Variants in ZNF239 observed in about 807,000 individuals in gnomAD.
ZNF239 encodes zinc finger protein (C2H2) homologous to mouse MOK-2.
Under a neutral mutation model 27.5 loss-of-function variants are expected in ZNF239, and 16 were observed. That is an observed-to-expected ratio of 0.58 (90% confidence interval 0.39 to 0.88). The LOEUF (loss-of-function observed/expected upper bound fraction) is 0.88, where lower values mean the gene tolerates loss of function less well. ZNF239 is among the 40% of genes least tolerant of loss of function. The pLI, the probability that ZNF239 is intolerant of heterozygous loss-of-function variation, is 0.00. For missense variants in ZNF239, 527 were observed against 551.9 expected (o/e 0.95, Z 0.45); for synonymous variants, 199 against 192.6 (o/e 1.03, Z -0.27).
Position 43,557,590 on chromosome 10 carries a change from C to A in ZNF239, c.490G>T (p.Val164Leu), listed in dbSNP as rs767791048. 3 of 1,614,172 alleles carry A rather than the reference C, an allele frequency of 1.9e-6. No homozygotes were observed. Among genetic ancestry groups the A allele is most frequent in the Non-Finnish European group, 2.5e-6 (3 of 1,180,038 alleles). The change falls in exon 4 of 4, where the codon GTG (valine) becomes TTG (leucine). Residue 164 changes from valine to leucine, a missense_variant. Transcript: ENST00000374446. ...GCTCTCTGCTGACTACAACTGACCA[C>A]CTGTGATTTCCATCCATGAATGTCT... ...CKDIHGWKSQ[V>L]VSCSQQRAHT...
At chr10:43,566,666 T>A (rs1192695172) in intron 3 of ZNF239, among the ~76,000 whole-genome samples, 1 of 152,234 alleles carries the variant, frequency 6.6e-6, no homozygotes, top group African/African-American at 2.4e-5. Context: ...TAGGTATACA[T>A]TCATTTCCCC....
At chr10:43,572,225 C>T (rs1445112921) in intron 2 of ZNF239, among the ~76,000 whole-genome samples, 3 of 152,172 alleles carry the variant, frequency 2.0e-5, no homozygotes, top group Non-Finnish European at 2.9e-5. Context: ...CCAGTTGCAG[C>T]GGCAGTGAAT....
chr10:43,560,870 A>G (rs1245141576), intron 3 of ZNF239, among the ~76,000 whole-genome samples: 3 of 152,124 alleles, frequency 2.0e-5, no homozygotes, highest in African/African-American at 7.2e-5. Flanking sequence ...TACATAATTA[A>G]AATCCCAGAA....
At chr10:43,559,305 T>C (rs777096843) in intron 3 of ZNF239, among the ~76,000 whole-genome samples, 109 of 152,266 alleles carry the variant, frequency 7.2e-4, no homozygotes, top group Non-Finnish European at 1.1e-3. Flanking sequence ...AGCAAGACTT[T>C]AGGTAGCGAG....
intron 2 of ZNF239, among the ~76,000 whole-genome samples, chr10:43,569,892 T>G (rs951853144): frequency 1.9e-4 from 29 of 152,216 alleles, no homozygotes; most frequent in Non-Finnish European, 1.5e-5. Flanking sequence ...TCTGGTTCCC[T>G]TCAGGGCTCT....
Position 43,556,869 on chromosome 10 carries a change from T to C in ZNF239, c.1211A>G (p.His404Arg). The C allele has an allele frequency of 6.2e-7, 1 of 1,613,920 alleles. No homozygotes were observed. ...AAATCCCTTCCCACACTTGCCACAG[T>C]GATAGGGCTTCTCTCCAGTGTGGAC... ...LRVHTGEKPY[H>R]CGKCGKGFSQ... The change falls in exon 4 of 4, where the codon CAC (histidine) becomes CGC (arginine). Residue 404 changes from histidine to arginine, a missense_variant. His to Arg is a conservative substitution (Grantham distance 29). Coordinates refer to ENST00000374446, the MANE Select transcript of ZNF239 (RefSeq NM_001099282.2).
chr10:43,564,765 G>A (rs1837515172), intron 3 of ZNF239, among the ~76,000 whole-genome samples: 1 of 152,142 alleles, frequency 6.6e-6, no homozygotes, highest in African/African-American at 2.4e-5. Context: ...CTGGGCTCAA[G>A]TGATCCTCCT....
chr10:43,567,591 C>T (rs1053305279), intron 3 of ZNF239, among the ~76,000 whole-genome samples: 1 of 152,104 alleles, frequency 6.6e-6, no homozygotes, highest in African/African-American at 2.4e-5. Context: ...TGCCATGATG[C>T]CTGGTGCTCT....
rs962446297 is a variant in ZNF239, at chr10:43,573,493, A to G, written c.-216+144T>C. 7 of 395,286 alleles carry G rather than the reference A, an allele frequency of 1.8e-5. No individual in the cohort carries two copies. The East Asian group carries it at 1.1e-3, about 65-fold the overall frequency. The allele number at this position is 395,286 out of a possible 1,614,324, so 24.5% of individuals were successfully genotyped here. Reference sequence around the variant, plus strand: ...GCAGACCCTGGTGACATCATCTGCTAGCTACATGTCCTTAGTATCTTAATG... The same window carrying G: ...GCAGACCCTGGTGACATCATCTGCTGGCTACATGTCCTTAGTATCTTAATG... On this transcript the variant is annotated intron_variant, in intron 2 of 3. Coordinates refer to ENST00000374446, the MANE Select transcript of ZNF239 (RefSeq NM_001099282.2).
chr10:43,557,719 C>G lies in ZNF239; in HGVS notation c.361G>C (p.Val121Leu). ...SCSENLQVKL[V>L]SDGQELASPL... ...GAGGCCAGTTCTTGTCCATCAGACA[C>G]CAGTTTAACTTGAAGGTTCTCTGAA... Residue 121 changes from valine (V) to leucine (L), a missense_variant, in exon 4 of 4, where the codon GTG (valine) becomes CTG (leucine). Coordinates refer to ENST00000374446, the MANE Select transcript of ZNF239 (RefSeq NM_001099282.2). 2 of 1,614,130 alleles carry G rather than the reference C, an allele frequency of 1.2e-6. No homozygotes were observed. The highest frequency in any genetic ancestry group is 2.2e-5 in the East Asian group (1 of 44,872).
chr10:43,569,949 T>A (rs1390454493), intron 2 of ZNF239, among the ~76,000 whole-genome samples: 2 of 151,602 alleles, frequency 1.3e-5, no homozygotes, highest in African/African-American at 2.4e-5. Flanking sequence ...GAAGAACCAG[T>A]TTTTTTTTGT....
rs1355374857 is a variant in ZNF239, at chr10:43,556,769, C to A, written c.1311G>T (p.Gly437=). The A allele has an allele frequency of 1.2e-6, 2 of 1,614,070 alleles. No homozygotes were observed. The highest frequency in any genetic ancestry group is 2.2e-5 in the South Asian group (2 of 91,076). ...GEKPYECSKC[G]KGFSQSSNLH... is the part of the protein sequence containing the mutation. ...GGTTGGAGCTCTGGCTGAAGCCCTT[C>A]CCACACTTGCTGCACTCATAGGGCT... is the stretch of plus-strand genomic sequence containing the variant. Residue 437 remains glycine, a synonymous_variant, in exon 4 of 4, where the codon GGG becomes GGT. Transcript: ENST00000374446.
In ZNF239 at chr10:43,558,263, A is replaced by G; in HGVS notation, c.-92-92T>C. ...CCTAAGGCCTGAAGTCTTAGTAACTAGGAAAAAGTTCAGCTTGTCTTTATA... is the reference window on the plus strand; with the variant it reads ...CCTAAGGCCTGAAGTCTTAGTAACTGGGAAAAAGTTCAGCTTGTCTTTATA... On this transcript the variant is annotated intron_variant, in intron 3 of 3. Coordinates refer to ENST00000374446, the MANE Select transcript of ZNF239 (RefSeq NM_001099282.2). 11 of 1,219,522 alleles carry G rather than the reference A, an allele frequency of 9.0e-6. No homozygotes were observed. The South Asian group carries it at 2.0e-4, about 22-fold the overall frequency. The allele number at this position is 1,219,522 out of a possible 1,614,324, so 75.5% of individuals were successfully genotyped here. A position where few individuals can be genotyped will look rare whatever the true frequency, so the allele number is the denominator to read the frequency against.
intron 2 of ZNF239, chr10:43,570,662 C>T: frequency 1.3e-5 from 13 of 973,338 alleles, no homozygotes; most frequent in Non-Finnish European, 1.6e-5. Flanking sequence ...TCAATTCTGC[C>T]TCCTAAATTT....
intron 3 of ZNF239, among the ~76,000 whole-genome samples, chr10:43,563,845 G>C (rs1403062520): frequency 6.6e-6 from 1 of 152,180 alleles, no homozygotes; most frequent in East Asian, 1.9e-4. Flanking sequence ...CCAGGCTGGA[G>C]TGCACTGGCA....
intron 3 of ZNF239, among the ~76,000 whole-genome samples, chr10:43,559,274 T>C (rs934352230): frequency 6.6e-5 from 10 of 152,128 alleles, no homozygotes; most frequent in Non-Finnish European, 1.5e-4. Context: ...ACTGACTTTG[T>C]GACAATAAAC....
rs537102114 is a variant in ZNF239, at chr10:43,567,113, CAAA to C, written c.-93+783_-93+785del. On this transcript the variant is annotated intron_variant, in intron 3 of 3. Transcript: ENST00000374446. ...GAGACTCCGTCTCAAAACAAACAAA[CAAA>C]CAAACAAACAAAACAAAAAGACTCC... Among the ~76,000 whole-genome samples the C allele has an allele frequency of 1.9e-4, 29 of 151,524 alleles. No homozygotes were observed. In the South Asian group the frequency reaches 5.3e-3, roughly 27 times the overall value.
intron 3 of ZNF239, among the ~76,000 whole-genome samples, chr10:43,567,031 T>C (rs1416316482): frequency 6.6e-6 from 1 of 151,874 alleles, no homozygotes; most frequent in African/African-American, 2.4e-5. Flanking sequence ...GAGGTGGAGG[T>C]TGCAGTGAGC....
chr10:43,574,364 A>G (rs2132324458), intron 1 of ZNF239, among the ~76,000 whole-genome samples, 176 bp downstream of exon 1: 1 of 152,290 alleles, frequency 6.6e-6, no homozygotes, highest in East Asian at 1.9e-4. Context: ...CAGCTCGGAA[A>G]TGCGGCGCCG....
Sources: allele counts gnomAD v4.1 joint callset (sites outside exome capture counted in the v4.1 genomes callset), GRCh38; gene constraint gnomAD v4.1.1; transcripts MANE v1.5; gene names NCBI Gene and HGNC (gene_info 2026-07-23, HGNC 2026-07-21).